Variants in SIPA1L3 observed in about 807,000 individuals in gnomAD.
SIPA1L3 encodes the protein signal induced proliferation associated 1 like 3, also known as signal-induced proliferation-associated 1-like protein 3.
Under a neutral mutation model 150.1 loss-of-function variants are expected in SIPA1L3, and 59 were observed. The observed-to-expected ratio is 0.39, with a 90% CI of 0.32 to 0.49. The LOEUF (loss-of-function observed/expected upper bound fraction) is 0.49. SIPA1L3 is among the 20% of genes least tolerant of loss of function. SIPA1L3 has a pLI of 0.86. For missense variants in SIPA1L3, 2,211 were observed against 2,489.5 expected (o/e 0.89, Z 2.38); for synonymous variants, 1,070 against 1,077.6 (o/e 0.99, Z 0.14).
At chr19:38,115,027 AGG>A (rs1970852484) in intron 8 of SIPA1L3, among the ~76,000 whole-genome samples, 1 of 152,200 alleles carries the variant, frequency 6.6e-6, no homozygotes, top group South Asian at 2.1e-4. Context: ...ATTTAACCAA[AGG>A]GAGTTGATGC....
At chr19:38,040,244 C>T (rs995843590) in intron 2 of SIPA1L3, among the ~76,000 whole-genome samples, 1 of 152,204 alleles carries the variant, frequency 6.6e-6, no homozygotes, top group Non-Finnish European at 1.5e-5. Context: ...CACGTATTTC[C>T]AGAGTACGCT....
At chr19:38,129,135 C>T (rs980873122) in intron 9 of SIPA1L3, among the ~76,000 whole-genome samples, 4 of 152,060 alleles carry the variant, frequency 2.6e-5, no homozygotes, top group Admixed American at 1.3e-4. Context: ...AAGAGGGGAT[C>T]GCTTAACAGC....
At chr19:37,939,515 A>G (rs866020375) in intron 1 of SIPA1L3, among the ~76,000 whole-genome samples, 22 of 152,202 alleles carry the variant, frequency 1.4e-4, no homozygotes, top group African/African-American at 5.1e-4. Context: ...GAGCCCCGTA[A>G]TAGACAGGCG....
At chr19:38,160,268 C>T (rs932617514) in intron 13 of SIPA1L3, among the ~76,000 whole-genome samples, 5 of 152,168 alleles carry the variant, frequency 3.3e-5, no homozygotes, top group African/African-American at 1.2e-4. Context: ...CCCATCTTGG[C>T]CTCCCAAAGT....
intron 1 of SIPA1L3, among the ~76,000 whole-genome samples, chr19:37,959,775 T>C (rs1203877708): frequency 6.6e-6 from 1 of 151,984 alleles, no homozygotes; most frequent in African/African-American, 2.4e-5. Flanking sequence ...GCAGATATTT[T>C]CTAGTGTTTC....
At position 37,938,865 on chromosome 19, in the gene SIPA1L3, C is replaced by T. The variant is rs369962990; in HGVS notation, c.-379+31507C>T. Among the ~76,000 whole-genome samples the T allele has an allele frequency of 1.1e-4, 16 of 152,190 alleles. No homozygotes were observed. The East Asian group carries it at 1.2e-3, about 11-fold the overall frequency. Reference sequence around the variant, plus strand: ...CTCAAACTCCTGAGCTCAGGTGATCCGCCTTTCTCAGCCTTCCAAAGTTCT... The same window carrying T: ...CTCAAACTCCTGAGCTCAGGTGATCTGCCTTTCTCAGCCTTCCAAAGTTCT... On this transcript the variant is annotated intron_variant, in intron 1 of 21. Transcript: ENST00000222345.
At chr19:38,057,459 G>A (rs1969345411) in intron 2 of SIPA1L3, among the ~76,000 whole-genome samples, 1 of 151,840 alleles carries the variant, frequency 6.6e-6, no homozygotes, top group South Asian at 2.1e-4. Context: ...TTCTGGGAAT[G>A]CATCTGCATA....
chr19:37,957,649 C>T (rs965806387), intron 1 of SIPA1L3, among the ~76,000 whole-genome samples: 4 of 151,816 alleles, frequency 2.6e-5, no homozygotes, highest in African/African-American at 9.7e-5. Context: ...AAGCAGCCCT[C>T]CCATCTCAAC....
intron 2 of SIPA1L3, among the ~76,000 whole-genome samples, chr19:38,032,977 C>T (rs1968687011): frequency 6.6e-6 from 1 of 152,186 alleles, no homozygotes. Context: ...AATTTTCGGA[C>T]AAGGTGGCCA....
intron 1 of SIPA1L3, among the ~76,000 whole-genome samples, chr19:37,989,995 G>A (rs1048264995): frequency 1.3e-5 from 2 of 152,088 alleles, no homozygotes; most frequent in African/African-American, 4.8e-5. Flanking sequence ...GCTTGTTGAC[G>A]TAGACCCCCC....
intron 2 of SIPA1L3, among the ~76,000 whole-genome samples, chr19:38,041,080 A>T (rs1397626990): frequency 6.7e-6 from 1 of 148,856 alleles, no homozygotes; most frequent in Non-Finnish European, 1.5e-5. Context: ...TGCTTTTTAA[A>T]GGAACCTTTA....
At chr19:38,020,007 C>T (rs1407627848) in intron 1 of SIPA1L3, among the ~76,000 whole-genome samples, 1 of 152,132 alleles carries the variant, frequency 6.6e-6, no homozygotes, top group East Asian at 1.9e-4. Flanking sequence ...ACGAGAGGAT[C>T]AACTGAGCCC....
At position 38,001,439 on chromosome 19, in the gene SIPA1L3, A is replaced by T. The variant is rs188790211; in HGVS notation, c.-378-27650A>T. Among the ~76,000 whole-genome samples the T allele has an allele frequency of 9.7e-4, 147 of 152,268 alleles. 2 individuals are homozygous for T. In the East Asian group the frequency reaches 0.019, roughly 20 times the overall value. ...ACATTTTTTAAAACTTAAAAAAAAA[A>T]TTCTGAGACAGGGTCTTGCCCTGTT... On this transcript the variant is annotated intron_variant, in intron 1 of 21. Coordinates refer to ENST00000222345, the MANE Select transcript of SIPA1L3 (RefSeq NM_015073.3).
chr19:37,939,399 C>CAAAAAA (rs753230257), intron 1 of SIPA1L3, among the ~76,000 whole-genome samples: 1 of 69,214 alleles, frequency 1.4e-5, no homozygotes, highest in Non-Finnish European at 2.7e-5. Context: ...GACTCCATGT[C>CAAAAAA]AAAAAAAAAA....
At chr19:37,954,706 A>G (rs1204765593) in intron 1 of SIPA1L3, among the ~76,000 whole-genome samples, 1 of 152,188 alleles carries the variant, frequency 6.6e-6, no homozygotes, top group Non-Finnish European at 1.5e-5. Flanking sequence ...TGGGAAGTCC[A>G]GAGGTGATTA....
At chr19:38,085,222 T>A (rs1970099110) in intron 3 of SIPA1L3, among the ~76,000 whole-genome samples, 1 of 151,984 alleles carries the variant, frequency 6.6e-6, no homozygotes, top group East Asian at 1.9e-4. Context: ...TGGCTCACGC[T>A]TGTAATCCCA....
At chr19:38,078,442 A>G (rs566694617) in intron 2 of SIPA1L3, among the ~76,000 whole-genome samples, 5 of 126,824 alleles carry the variant, frequency 3.9e-5, no homozygotes, top group East Asian at 2.6e-4. Context: ...ATACATGCAC[A>G]CACACACACA....
intron 10 of SIPA1L3, among the ~76,000 whole-genome samples, chr19:38,133,252 C>T (rs2116862): frequency 0.51 from 77,277 of 152,164 alleles, 20,770 homozygotes; most frequent in African/African-American, 0.67. Context: ...CATGTCCCCT[C>T]CAGTCCTGTT....
rs762231890 is a variant in SIPA1L3 at position 38,164,848 on chromosome 19, G to A, written c.4150G>A (p.Gly1384Ser). 31 of 1,593,094 alleles carry A rather than the reference G, an allele frequency of 1.9e-5. 1 individual carries two copies. Among genetic ancestry groups the A allele is most frequent in the South Asian group, 1.0e-4 (9 of 89,176 alleles). The change falls in exon 15 of 22, where the codon GGC (glycine) becomes AGC (serine). Residue 1384 changes from glycine (G) to serine (S), a missense_variant. Physicochemically the swap from Gly to Ser is moderately conservative, Grantham distance 56. Transcript: ENST00000222345. This position sits in a 1 kb window ranked among gnomAD's most constrained non-coding sequence, Gnocchi z 4.1. Reference protein sequence around the residue: ...KGYRPKLYSSGSSTPTGLAGG... With the variant: ...KGYRPKLYSSSSSTPTGLAGG... ...CTACCGACCGAAGCTGTACTCCTCC[G>A]GCTCCAGCACCCCCACGGGACTGGC...
Sources: allele counts gnomAD v4.1 joint callset (sites outside exome capture counted in the v4.1 genomes callset), GRCh38; gene constraint gnomAD v4.1.1; non-coding constraint Gnocchi (gnomAD v3.1); transcripts MANE v1.5; gene names NCBI Gene and HGNC (gene_info 2026-07-23, HGNC 2026-07-21).